Variants in GOT1L1 observed in about 807,000 individuals in gnomAD.
GOT1L1 encodes the protein glutamic-oxaloacetic transaminase 1 like 1.
In GOT1L1, 38 loss-of-function variants were observed where a neutral mutation model predicts 43.6. The ratio of observed to expected loss-of-function variants is 0.87; its 90% CI spans 0.67 to 1.14. The LOEUF is 1.14. GOT1L1 is among the 50% of genes most tolerant of loss of function. GOT1L1 has a pLI of 0.00. For missense variants in GOT1L1, 482 were observed against 504.0 expected, an observed-to-expected ratio of 0.96 and a Z score of 0.42; for synonymous variants, 183 against 187.2, an observed-to-expected ratio of 0.98 and a Z score of 0.18.
intron 6 of GOT1L1, among the ~76,000 whole-genome samples, chr8:37,936,112 T>G (rs188944773): frequency 6.6e-6 from 1 of 152,298 alleles, no homozygotes; most frequent in East Asian, 1.9e-4. Flanking sequence ...TCTACTCTCC[T>G]GTTTTTTCCT....
chr8:37,935,748 AC>A lies in GOT1L1; in HGVS notation c.884del (p.Arg295LeufsTer20). On this transcript the variant is annotated frameshift_variant, in exon 7 of 9. Transcript: ENST00000307599. LOFTEE classifies it high-confidence loss of function. ...LWLNPPNTGARVITSILCNPA... is the reference protein window; with the variant it reads ...LWLNPPNTGAXVITSILCNPA... ...GGTTGCAGAGGATGGAGGTGATGAC[AC>A]GTGCACCCGTGTTGGGGGGGTTTAG... The A allele has an allele frequency of 1.9e-6, 3 of 1,610,670 alleles. No homozygotes were observed. Among genetic ancestry groups the A allele is most frequent in the Non-Finnish European group, 2.5e-6 (3 of 1,178,444 alleles).
Position 37,938,575 on chromosome 8 carries a change from G to A in GOT1L1, c.297+125C>T, listed in dbSNP as rs577961995. The stretch of plus-strand genomic sequence containing the variant: ...GGCTAAGGACTTGTGGACTCTCTGA[G>A]CCTCAGGTATCTCTTTTATCAATAC... On this transcript the variant is annotated intron_variant, in intron 2 of 8. Coordinates refer to ENST00000307599, the MANE Select transcript of GOT1L1 (RefSeq NM_152413.3). The A allele has an allele frequency of 5.0e-6, 4 of 797,866 alleles. No homozygotes were observed. The East Asian group carries it at 1.1e-4, about 22-fold the overall frequency. The allele number at this position is 797,866 out of a possible 1,614,324, so 49.4% of individuals were successfully genotyped here.
At chr8:37,938,423 AT>A (rs1390937789) in intron 2 of GOT1L1, among the ~76,000 whole-genome samples, 2 of 152,200 alleles carry the variant, frequency 1.3e-5, no homozygotes, top group Non-Finnish European at 2.9e-5. Flanking sequence ...AGGTTAAAAA[AT>A]AAAACAGTAA....
At position 37,936,714 on chromosome 8, in the gene GOT1L1, C is replaced by T; in HGVS notation, c.763+6G>A. 1 of 1,608,552 alleles carries T rather than the reference C, an allele frequency of 6.2e-7. No individual in the cohort carries two copies. The highest frequency in any genetic ancestry group is 8.5e-7 in the Non-Finnish European group (1 of 1,175,596). On this transcript the variant is annotated splice_donor_region_variant and intron_variant, in intron 6 of 8. Coordinates refer to ENST00000307599, the MANE Select transcript of GOT1L1 (RefSeq NM_152413.3). ...CAGACCCTCCCTTCTTCTGCCTGTA[C>T]CATACCATAAATGCCAAAATTCTTG...
At position 37,940,101 on chromosome 8, in the gene GOT1L1, T is replaced by C; in HGVS notation, c.-72A>G. ...TTCCGCTTCTGCCCAGAAGTCTTCC[T>C]CCAAGGCTGGGCCGGGCAGTCCTGC... On this transcript the variant is annotated 5_prime_UTR_variant, in exon 1 of 9. Transcript: ENST00000307599. 1 of 1,522,564 alleles carries C rather than the reference T, an allele frequency of 6.6e-7. No homozygotes were observed. Among genetic ancestry groups the C allele is most frequent in the Non-Finnish European group, 8.8e-7 (1 of 1,131,564 alleles). 94.3% of individuals were successfully genotyped at this position (1,522,564 alleles called of 1,614,324 possible). A position where few individuals can be genotyped will look rare whatever the true frequency, so the allele number is the denominator to read the frequency against.
At chr8:37,939,313 C>T (rs906747208) in intron 1 of GOT1L1, among the ~76,000 whole-genome samples, 3 of 149,578 alleles carry the variant, frequency 2.0e-5, no homozygotes, top group Non-Finnish European at 4.4e-5. Flanking sequence ...ACTCAGGAGG[C>T]TGAGGCAAGA....
At chr8:37,938,951 G>T in intron 1 of GOT1L1, 70 bp from the exon 2 acceptor site, 2 of 1,422,046 alleles carry the variant, frequency 1.4e-6, no homozygotes, top group Non-Finnish European at 2.0e-6. Context: ...TCTGCAGACA[G>T]CCTGCAAACA....
chr8:37,940,080 G>A lies in GOT1L1; in HGVS notation c.-51C>T, dbSNP rs192216540. On this transcript the variant is annotated 5_prime_UTR_variant, in exon 1 of 9. Coordinates refer to ENST00000307599, the MANE Select transcript of GOT1L1 (RefSeq NM_152413.3). ...CTATGTGTCTCTGCTCCTGTGTTCC[G>A]CTTCTGCCCAGAAGTCTTCCTCCAA... 3.1e-4 allele frequency: 485 copies of A among 1,559,148 alleles called. No individual in the cohort carries two copies. Among genetic ancestry groups the A allele is most frequent in the Admixed American group, 1.0e-3 (53 of 51,930 alleles).
At chr8:37,939,526 CA>C (rs112836422) in intron 1 of GOT1L1, among the ~76,000 whole-genome samples, 3 of 146,216 alleles carry the variant, frequency 2.1e-5, no homozygotes, top group African/African-American at 7.6e-5. Flanking sequence ...CCCTGACTTT[CA>C]CAGTGGTGAG....
rs1807887089 is a variant in GOT1L1, at chr8:37,940,096, C to G, written c.-67G>C. 6.5e-7 allele frequency: 1 copy of G among 1,533,030 alleles called. No homozygotes were observed. Among genetic ancestry groups the G allele is most frequent in the Admixed American group, 2.0e-5 (1 of 49,534 alleles). 95.0% of individuals were successfully genotyped at this position (1,533,030 alleles called of 1,614,324 possible). A position where few individuals can be genotyped will look rare whatever the true frequency, so the allele number is the denominator to read the frequency against. On this transcript the variant is annotated 5_prime_UTR_variant, in exon 1 of 9. Transcript: ENST00000307599. ...CTGTGTTCCGCTTCTGCCCAGAAGTCTTCCTCCAAGGCTGGGCCGGGCAGT... is the reference window on the plus strand; with the variant it reads ...CTGTGTTCCGCTTCTGCCCAGAAGTGTTCCTCCAAGGCTGGGCCGGGCAGT...
Position 37,938,840 on chromosome 8 carries a change from C to T in GOT1L1, c.157G>A (p.Val53Met), listed in dbSNP as rs944673672. The change falls in exon 2 of 9, where the codon GTG becomes ATG. Residue 53 changes from valine (V) to methionine (M), a missense_variant. Transcript: ENST00000307599. ...GAAATCTGTAGTCGAGTCTTCTGCA[C>T]CACGAGAGAAACCCAGGGATGGCCT... ...NEGHPWVSLV[V>M]QKTRLQISQD... 2 of 1,613,706 alleles carry T rather than the reference C, an allele frequency of 1.2e-6. No individual in the cohort carries two copies. Among genetic ancestry groups the T allele is most frequent in the Non-Finnish European group, 8.5e-7 (1 of 1,179,770 alleles).
chr8:37,936,626 T>A (rs1807763278), intron 6 of GOT1L1, 94 bp downstream of exon 6: 1 of 1,150,496 alleles, frequency 8.7e-7, no homozygotes, highest in African/African-American at 1.5e-5. Flanking sequence ...AGTCCTTGGC[T>A]CCCTCCCAAG....
chr8:37,935,037 T>TA, intron 8 of GOT1L1, 36 bp downstream of exon 8: 1 of 1,611,352 alleles, frequency 6.2e-7, no homozygotes, highest in Non-Finnish European at 8.5e-7. Flanking sequence ...AGGCCAAAGG[T>TA]CAGAAAGGGG....
rs2130266165 is a variant in GOT1L1 at position 37,936,980 on chromosome 8, C to A, written c.597G>T (p.Leu199Phe). ...CKLTPSGWAK[L>F]MSMIKSKQIF... ...TTGGGTTTACCTTTATCATGGACATCAACTTTGCCCACCCACTTGGTGTCA... is the reference window on the plus strand; with the variant it reads ...TTGGGTTTACCTTTATCATGGACATAAACTTTGCCCACCCACTTGGTGTCA... The change falls in exon 5 of 9, where the codon TTG becomes TTT. Residue 199 changes from leucine (L) to phenylalanine (F), a missense_variant. Leu to Phe is a conservative substitution (Grantham distance 22, BLOSUM62 0). Transcript: ENST00000307599. 1.2e-6 allele frequency: 2 copies of A among 1,613,924 alleles called. No homozygotes were observed.
At chr8:37,938,908 C>A in intron 1 of GOT1L1, 27 bp from the exon 2 acceptor site, 2 of 1,610,144 alleles carry the variant, frequency 1.2e-6, no homozygotes, top group Non-Finnish European at 1.7e-6. Context: ...AGAGGGAGCT[C>A]CAGATGCCTG....
chr8:37,938,741 G>C lies in GOT1L1; in HGVS notation c.256C>G (p.Leu86Val). Residue 86 changes from leucine (L) to valine (V), a missense_variant, in exon 2 of 9, where the codon CTC becomes GTC. By Grantham distance (32) the Leu-to-Val change is conservative (BLOSUM62 1). Coordinates refer to ENST00000307599, the MANE Select transcript of GOT1L1 (RefSeq NM_152413.3). Reference sequence around the variant, plus strand: ...GCTTGGCTGTGCTTTCCAAAGAGGAGTGCTAGAGAGGCCTGGATGAATGAT... The same window carrying C: ...GCTTGGCTGTGCTTTCCAAAGAGGACTGCTAGAGAGGCCTGGATGAATGAT... The part of the protein sequence containing the change: ...LKSFIQASLA[L>V]LFGKHSQAIV... The C allele has an allele frequency of 6.2e-7, 1 of 1,602,766 alleles. No individual in the cohort carries two copies. Among genetic ancestry groups the C allele is most frequent in the Non-Finnish European group, 8.5e-7 (1 of 1,174,922 alleles).
At position 37,935,695 on chromosome 8, in the gene GOT1L1, C is replaced by T; in HGVS notation, c.929+9G>A. 6.4e-7 allele frequency: 1 copy of T among 1,569,672 alleles called. No homozygotes were observed. The highest frequency in any genetic ancestry group is 1.9e-5 in the Admixed American group (1 of 52,250). On this transcript the variant is annotated intron_variant, in intron 7 of 8. Transcript: ENST00000307599. ...TCCCATCCCTTCCTGCTCCAGCCCTCACCCTTACCATTCTCCCAGCAGAGC... is the reference window on the plus strand; with the variant it reads ...TCCCATCCCTTCCTGCTCCAGCCCTTACCCTTACCATTCTCCCAGCAGAGC...
At chr8:37,935,977 G>A in intron 6 of GOT1L1, 108 bp from the exon 7 acceptor site, 1 of 1,250,754 alleles carries the variant, frequency 8.0e-7, no homozygotes, top group East Asian at 2.7e-5. Context: ...GAACCACAAG[G>A]CCCTCATTGC....
Position 37,937,696 on chromosome 8 carries a change from C to T in GOT1L1, c.351G>A (p.Gln117=), listed in dbSNP as rs776749648. 2 of 1,613,236 alleles carry T rather than the reference C, an allele frequency of 1.2e-6. No individual in the cohort carries two copies. Among genetic ancestry groups the T allele is most frequent in the Non-Finnish European group, 1.7e-6 (2 of 1,179,662 alleles). The change falls in exon 3 of 9, where the codon CAG becomes CAA. Residue 117 remains glutamine (Q), a synonymous_variant. Transcript: ENST00000307599. ...GDSGAFQLGV[Q]FLRAWHKDAR... is the part of the protein sequence containing the mutation. ...CATCCTTATGCCAAGCTCTGAGAAA[C>T]TGGACGCCAAGCTGGAAGGCACCAC... is the stretch of plus-strand genomic sequence containing the variant.
Sources: allele counts gnomAD v4.1 joint callset (sites outside exome capture counted in the v4.1 genomes callset), GRCh38; gene constraint gnomAD v4.1.1; transcripts MANE v1.5; gene names NCBI Gene and HGNC (gene_info 2026-07-23, HGNC 2026-07-21).